Variants in TENM3 observed in about 807,000 individuals in gnomAD.
TENM3 encodes teneurin transmembrane protein 3, also known as teneurin-3.
Under a neutral mutation model 255.1 loss-of-function variants are expected in TENM3, and 63 were observed. The observed-to-expected ratio is 0.25, with a 90% CI of 0.20 to 0.30. The LOEUF is 0.30. Ranked by LOEUF, TENM3 falls within the 10% of genes least tolerant of loss-of-function variation. The pLI, the probability that TENM3 is intolerant of heterozygous loss-of-function variation, is 1.00. For synonymous variants in TENM3, 1,306 were observed against 1,322.3 expected (o/e 0.99, Z 0.27); for missense variants, 2,929 against 3,461.1 (o/e 0.85, Z 3.86).
the TENM3 span, among the ~76,000 whole-genome samples, chr4:181,949,475 G>A: frequency 6.6e-6 from 1 of 152,080 alleles, no homozygotes; most frequent in Non-Finnish European, 1.5e-5. Flanking sequence ...CAATCCATCT[G>A]CAAATCCTAT....
intron 1 of TENM3, among the ~76,000 whole-genome samples, chr4:182,183,458 G>C (rs912722720): frequency 2.6e-5 from 4 of 152,104 alleles, no homozygotes; most frequent in Non-Finnish European, 5.9e-5. Flanking sequence ...TGATTCATTC[G>C]TATGCAGTTG....
intron 3 of TENM3, among the ~76,000 whole-genome samples, chr4:182,559,500 T>C (rs1742922595): frequency 6.6e-6 from 1 of 152,102 alleles, no homozygotes; most frequent in Admixed American, 6.5e-5. Flanking sequence ...CCTGAACATA[T>C]TTACCTGCCT....
At chr4:182,163,851 G>C (rs1751519510) in intron 1 of TENM3, among the ~76,000 whole-genome samples, 1 of 152,088 alleles carries the variant, frequency 6.6e-6, no homozygotes, top group African/African-American at 2.4e-5. Context: ...CTTCTAGTTG[G>C]TCTGCAAATA....
chr4:182,048,733 A>G, the TENM3 span, among the ~76,000 whole-genome samples: 1 of 145,358 alleles, frequency 6.9e-6, no homozygotes, highest in African/African-American at 2.7e-5. Context: ...CATGAGAGCC[A>G]ATCTCACTTT....
In TENM3 at chr4:182,369,127, ATGT is replaced by A. The variant is rs946737641; in HGVS notation, c.511+22206_511+22208del. On this transcript the variant is annotated intron_variant, in intron 3 of 27. Transcript: ENST00000511685. ...TAATTGCTAAGGATTTTGGATGTGA[ATGT>A]TGTTGTTACTGTTCTTCAGAAAAAC... is the stretch of plus-strand genomic sequence containing the variant. 1.1e-4 allele frequency among the ~76,000 whole-genome samples: 16 copies of A among 152,296 alleles called. No homozygotes were observed. The South Asian group carries it at 2.9e-3, about 28-fold the overall frequency.
At chr4:181,690,401 G>A in the TENM3 span, among the ~76,000 whole-genome samples, 1 of 152,136 alleles carries the variant, frequency 6.6e-6, no homozygotes, top group East Asian at 1.9e-4. Flanking sequence ...CATTGTCACT[G>A]CATCTTGTCA....
At chr4:182,248,226 G>A (rs1324737357) in intron 1 of TENM3, among the ~76,000 whole-genome samples, 1 of 151,962 alleles carries the variant, frequency 6.6e-6, no homozygotes, top group African/African-American at 2.4e-5. Context: ...AAACCTGCAC[G>A]TTCTGCACAT....
chr4:181,784,377 C>T, the TENM3 span, among the ~76,000 whole-genome samples: 3 of 151,924 alleles, frequency 2.0e-5, no homozygotes, highest in Non-Finnish European at 4.4e-5. Context: ...TCTTAATTTA[C>T]ATTGTCTGTA....
chr4:182,134,005 G>A, the TENM3 span, among the ~76,000 whole-genome samples: 1 of 152,056 alleles, frequency 6.6e-6, no homozygotes, highest in Admixed American at 6.6e-5. Flanking sequence ...AAACGTATAT[G>A]TTCTCAAGAA....
rs1376029701 is a variant in TENM3 at position 182,442,847 on chromosome 4, T to TATAC, written c.511+95919_511+95920insTACA. Among the ~76,000 whole-genome samples, 253 of 147,864 alleles carry TATAC rather than the reference T, an allele frequency of 1.7e-3. 2 individuals carry two copies. Among genetic ancestry groups the TATAC allele is most frequent in the East Asian group, 3.1e-3 (15 of 4,894 alleles). On this transcript the variant is annotated intron_variant, in intron 3 of 27. Transcript: ENST00000511685. ...ACATATATATACATACATACATATA[T>TATAC]ACACACACACACACACACACACACA... is the stretch of plus-strand genomic sequence containing the variant.
At chr4:182,126,658 T>C in the TENM3 span, among the ~76,000 whole-genome samples, 1 of 152,174 alleles carries the variant, frequency 6.6e-6, no homozygotes, top group Non-Finnish European at 1.5e-5. Context: ...TATATGCACA[T>C]GTATAAAATG....
At chr4:181,885,213 A>G in the TENM3 span, among the ~76,000 whole-genome samples, 2 of 152,194 alleles carry the variant, frequency 1.3e-5, no homozygotes, top group African/African-American at 4.8e-5. Flanking sequence ...GCTCAGTCCC[A>G]CAGCCTAAGC....
the TENM3 span, among the ~76,000 whole-genome samples, chr4:181,490,988 C>A: frequency 1.3e-4 from 20 of 152,058 alleles, no homozygotes; most frequent in African/African-American, 4.8e-4. Flanking sequence ...ATGTGTCATG[C>A]AATGTATTTT....
chr4:181,735,654 G>T, the TENM3 span, among the ~76,000 whole-genome samples: 1 of 152,010 alleles, frequency 6.6e-6, no homozygotes, highest in Non-Finnish European at 1.5e-5. Context: ...TATATGGCCT[G>T]GGACAAACTC....
At chr4:181,741,666 G>A in the TENM3 span, among the ~76,000 whole-genome samples, 15,281 of 152,114 alleles carry the variant, frequency 0.1, 799 homozygotes, top group African/African-American at 0.14. Context: ...TCAGAGTGCT[G>A]GTGCCTGACA....
chr4:182,282,235 A>T (rs1198953083), intron 1 of TENM3, among the ~76,000 whole-genome samples: 1 of 152,178 alleles, frequency 6.6e-6, no homozygotes, highest in Non-Finnish European at 1.5e-5. Context: ...CCCTTCCCAT[A>T]GGCATGCCCA....
chr4:181,642,257 C>T, the TENM3 span, among the ~76,000 whole-genome samples: 13 of 152,110 alleles, frequency 8.5e-5, no homozygotes, highest in Non-Finnish European at 1.5e-4. Flanking sequence ...TTGTTGCCTG[C>T]ATAAATGTCT....
chr4:182,263,115 A>G (rs1055827172), intron 1 of TENM3, among the ~76,000 whole-genome samples: 1 of 151,976 alleles, frequency 6.6e-6, no homozygotes. Flanking sequence ...CTGTAACATA[A>G]TGTCTGGCGA....
intron 1 of TENM3, among the ~76,000 whole-genome samples, chr4:182,185,645 C>T (rs895375111): frequency 2.6e-5 from 4 of 152,194 alleles, no homozygotes; most frequent in Non-Finnish European, 4.4e-5. Flanking sequence ...GCCTCCTGCT[C>T]TTCAAAGTAG....
Sources: gnomAD v4.1 joint callset for allele counts (sites outside exome capture counted in the v4.1 genomes callset) on GRCh38, gnomAD v4.1.1 for gene constraint, MANE v1.5 for transcripts, NCBI Gene and HGNC (gene_info 2026-07-23, HGNC 2026-07-21) for gene names.